Variants in MCU observed in about 807,000 individuals in gnomAD.
MCU encodes mitochondrial calcium uniporter, also known as calcium uniporter protein, mitochondrial.
MCU carries 12 observed loss-of-function variants against 45.2 expected under a neutral mutation model. That is an observed-to-expected ratio of 0.27 (90% CI 0.17 to 0.43). The LOEUF (loss-of-function observed/expected upper bound fraction) is 0.43. Ranked by LOEUF, MCU falls within the 20% of genes least tolerant of loss-of-function variation. The pLI is 1.00. For synonymous variants in MCU, 160 were observed against 165.1 expected (o/e 0.97, Z 0.24); for missense variants, 324 against 436.7 (o/e 0.74, Z 2.30).
At chr10:72,856,768 TAAAAAAAAAA>T (rs1204072398) in intron 2 of MCU, among the ~76,000 whole-genome samples, 1 of 64,950 alleles carries the variant, frequency 1.5e-5, no homozygotes, top group Non-Finnish European at 2.9e-5. Flanking sequence ...ACCCTGTCTC[TAAAAAAAAAA>T]AAAAAAAAAA....
At chr10:72,722,463 A>G (rs2132673771) in intron 1 of MCU, among the ~76,000 whole-genome samples, 1 of 151,690 alleles carries the variant, frequency 6.6e-6, no homozygotes, top group Middle Eastern at 3.4e-3. Flanking sequence ...AGGCATAGCT[A>G]ATATTACAGT....
intron 1 of MCU, among the ~76,000 whole-genome samples, chr10:72,733,174 T>C (rs1015625676): frequency 1.2e-4 from 19 of 152,174 alleles, no homozygotes; most frequent in African/African-American, 4.6e-4. Context: ...AAATCTATCT[T>C]GAGGCTGGGC....
intron 1 of MCU, among the ~76,000 whole-genome samples, chr10:72,737,774 A>G (rs1564542813): frequency 1.3e-5 from 2 of 151,352 alleles, no homozygotes; most frequent in African/African-American, 4.9e-5. Context: ...CACCGCCCCA[A>G]CTCCCAAAGT....
chr10:72,856,948 A>C (rs1393516691), intron 2 of MCU, among the ~76,000 whole-genome samples: 1 of 151,374 alleles, frequency 6.6e-6, no homozygotes, highest in Non-Finnish European at 1.5e-5. Flanking sequence ...AAAAAAAAAA[A>C]AAAAAAAAAG....
At chr10:72,854,677 A>T (rs1845260254) in intron 2 of MCU, among the ~76,000 whole-genome samples, 1 of 152,210 alleles carries the variant, frequency 6.6e-6, no homozygotes, top group Non-Finnish European at 1.5e-5. Flanking sequence ...TTTGTGTAAG[A>T]CACTTTTTCG....
intron 3 of MCU, 161 bp from the exon 4 acceptor site, chr10:72,860,262 G>C (rs1321529379): frequency 1.5e-5 from 9 of 596,250 alleles, no homozygotes; most frequent in Non-Finnish European, 2.7e-5. Flanking sequence ...TAAAAACAGA[G>C]CTTCAACCTA....
chr10:72,720,785 A>G (rs1197050174), intron 1 of MCU, among the ~76,000 whole-genome samples: 1 of 152,204 alleles, frequency 6.6e-6, no homozygotes, highest in Non-Finnish European at 1.5e-5. Flanking sequence ...ATGTTCAACA[A>G]ATGTATATGT....
At chr10:72,845,413 T>C (rs1417807972) in intron 2 of MCU, among the ~76,000 whole-genome samples, 1 of 152,216 alleles carries the variant, frequency 6.6e-6, no homozygotes, top group Non-Finnish European at 1.5e-5. Context: ...AATTACGGTA[T>C]ACAGTCATGC....
chr10:72,709,873 T>G (rs1347670863), intron 1 of MCU, among the ~76,000 whole-genome samples: 1 of 152,188 alleles, frequency 6.6e-6, no homozygotes, highest in Admixed American at 6.5e-5. Flanking sequence ...TTCTTTAAGT[T>G]TAATGTCTCA....
intron 1 of MCU, among the ~76,000 whole-genome samples, chr10:72,763,364 A>G (rs1299446724): frequency 6.6e-6 from 1 of 152,152 alleles, no homozygotes; most frequent in African/African-American, 2.4e-5. Context: ...TTCGAGGAGC[A>G]GATCAGCTGG....
chr10:72,840,568 C>T (rs1465733783), intron 2 of MCU, among the ~76,000 whole-genome samples: 1 of 152,116 alleles, frequency 6.6e-6, no homozygotes, highest in Admixed American at 6.5e-5. Context: ...CATACATACC[C>T]AACCACTATA....
At chr10:72,797,651 C>G (rs2132774402) in intron 1 of MCU, among the ~76,000 whole-genome samples, 1 of 151,078 alleles carries the variant, frequency 6.6e-6, no homozygotes, top group East Asian at 1.9e-4. Context: ...TCTCCTGCCT[C>G]AGCCTCCCAA....
In MCU at chr10:72,702,219, C is replaced by G. The variant is rs374420157; in HGVS notation, c.150+9918C>G. ...TGACCCGAGATCGCACCACTGCACT[C>G]CAGCCTGGGCGACAGAGCAAAACTC... is the stretch of plus-strand genomic sequence containing the variant. On this transcript the variant is annotated intron_variant, in intron 1 of 7. Transcript: ENST00000373053. Among the ~76,000 whole-genome samples, 227 of 151,168 alleles carry G rather than the reference C, an allele frequency of 1.5e-3. 9 individuals carry two copies. In the South Asian group the frequency reaches 0.046, roughly 30 times the overall value.
intron 2 of MCU, among the ~76,000 whole-genome samples, chr10:72,854,157 G>A (rs1845251842): frequency 6.6e-6 from 1 of 151,990 alleles, no homozygotes; most frequent in Non-Finnish European, 1.5e-5. Flanking sequence ...GCTGGGCATG[G>A]TGGCACATGC....
intron 2 of MCU, among the ~76,000 whole-genome samples, chr10:72,851,546 T>TAA (rs1276348055): frequency 2.6e-5 from 4 of 152,026 alleles, no homozygotes; most frequent in African/African-American, 9.7e-5. Flanking sequence ...GCTGATTGGT[T>TAA]GTGGATGCAG....
intron 4 of MCU, among the ~76,000 whole-genome samples, chr10:72,861,044 A>C (rs1268940852): frequency 1.3e-5 from 2 of 151,880 alleles, no homozygotes; most frequent in African/African-American, 2.4e-5. Flanking sequence ...TGTTTTTTTG[A>C]GACAAGATCT....
intron 1 of MCU, among the ~76,000 whole-genome samples, chr10:72,758,669 A>G (rs544544459): frequency 3.9e-5 from 6 of 152,286 alleles, no homozygotes; most frequent in South Asian, 2.1e-4. Flanking sequence ...AAATAAACCA[A>G]TGCTTTTGCT....
intron 1 of MCU, among the ~76,000 whole-genome samples, chr10:72,709,805 A>G (rs1842867449): frequency 1.3e-5 from 2 of 152,174 alleles, no homozygotes; most frequent in Admixed American, 1.3e-4. Flanking sequence ...AGTGTAACAT[A>G]TTACAGAATT....
intron 1 of MCU, among the ~76,000 whole-genome samples, chr10:72,753,507 T>C (rs1843530995): frequency 6.6e-6 from 1 of 152,222 alleles, no homozygotes; most frequent in Non-Finnish European, 1.5e-5. Flanking sequence ...GATTATGATA[T>C]TAATAGTTAC....
Sources: allele counts gnomAD v4.1 joint callset (sites outside exome capture counted in the v4.1 genomes callset), GRCh38; gene constraint gnomAD v4.1.1; transcripts MANE v1.5; gene names NCBI Gene and HGNC (gene_info 2026-07-23, HGNC 2026-07-21).